The following EPHA6 variants were observed in gnomAD, a reference collection of about 807,000 sequenced individuals.
The protein encoded by EPHA6 is EPH receptor A6.
A neutral mutation model predicts 112.0 loss-of-function variants in EPHA6; 50 were observed. The observed-to-expected ratio is 0.45, with a 90% CI of 0.36 to 0.56. EPHA6 has a LOEUF of 0.56. Ranked by LOEUF, EPHA6 falls within the 20% of genes least tolerant of loss-of-function variation. EPHA6 has a pLI of 0.00. For missense variants in EPHA6, 1,280 were observed against 1,417.4 expected (o/e 0.90, Z 1.56); for synonymous variants, 529 against 490.7 (o/e 1.08, Z -1.03).
intron 16 of EPHA6, among the ~76,000 whole-genome samples, chr3:97,737,887 A>G (rs1255665842): frequency 3.3e-5 from 5 of 152,118 alleles, no homozygotes; most frequent in Non-Finnish European, 5.9e-5. Context: ...AGGAAACTGA[A>G]AAAGAGAAGC....
At chr3:97,229,331 T>C (rs1389059356) in intron 4 of EPHA6, among the ~76,000 whole-genome samples, 1 of 152,196 alleles carries the variant, frequency 6.6e-6, no homozygotes, top group Non-Finnish European at 1.5e-5. Context: ...TGTTATCTTC[T>C]AGAATTTTTA....
At chr3:97,365,071 T>C (rs1258987202) in intron 5 of EPHA6, among the ~76,000 whole-genome samples, 2 of 152,154 alleles carry the variant, frequency 1.3e-5, no homozygotes, top group Admixed American at 1.3e-4. Flanking sequence ...CTACTTGATA[T>C]ACAGAATGCA....
chr3:97,518,450 C>A (rs1020100048), intron 10 of EPHA6, among the ~76,000 whole-genome samples: 1 of 151,688 alleles, frequency 6.6e-6, no homozygotes, highest in African/African-American at 2.4e-5. Flanking sequence ...TTTAGACATA[C>A]TGATTTTTTT....
chr3:97,017,571 G>GA (rs2044306147), intron 3 of EPHA6, among the ~76,000 whole-genome samples: 1 of 152,172 alleles, frequency 6.6e-6, no homozygotes, highest in Admixed American at 6.5e-5. Context: ...ATCTAGGGCT[G>GA]AACTGGACTC....
Position 97,532,360 on chromosome 3 carries a change from G to A in EPHA6, c.2203G>A (p.Glu735Lys), listed in dbSNP as rs1454303482. Residue 735 changes from glutamate to lysine, a missense_variant and splice_region_variant, in exon 11 of 18, where the codon GAA (glutamate) becomes AAA (lysine). Physicochemically the swap from Glu to Lys is moderately conservative, Grantham distance 56. Around this residue, in one of 4 missense-constraint regions of EPHA6, gnomAD observed 878 missense variants for 999.7 expected, o/e 0.88. Coordinates refer to ENST00000389672, the MANE Select transcript of EPHA6 (RefSeq NM_001080448.3). ...IRIERVIGAG[E>K]FGEVCSGRLK... The stretch of plus-strand genomic sequence containing the variant: ...ACTGCTTTTGTTCATATTTTAAGGT[G>A]AATTTGGAGAAGTCTGTAGTGGGCG... The A allele has an allele frequency of 5.0e-6, 8 of 1,594,686 alleles. No individual in the cohort carries two copies. In the East Asian group the frequency reaches 1.3e-4, roughly 27 times the overall value.
At chr3:97,220,682 A>G (rs2078168906) in intron 3 of EPHA6, among the ~76,000 whole-genome samples, 1 of 152,172 alleles carries the variant, frequency 6.6e-6, no homozygotes, top group Admixed American at 6.5e-5. Flanking sequence ...CCATGATTCA[A>G]TTATATCCAC....
At chr3:97,043,796 A>T (rs762008408) in intron 3 of EPHA6, among the ~76,000 whole-genome samples, 1 of 152,194 alleles carries the variant, frequency 6.6e-6, no homozygotes, top group Non-Finnish European at 1.5e-5. Context: ...ATATTGTCAT[A>T]CAAAGAAATA....
chr3:97,133,122 C>T (rs1028005489), intron 3 of EPHA6, among the ~76,000 whole-genome samples: 24 of 151,888 alleles, frequency 1.6e-4, no homozygotes, highest in African/African-American at 5.6e-4. Context: ...GAGAATTTTC[C>T]GATGAGATAG....
chr3:97,425,327 T>C (rs958472635), intron 6 of EPHA6, among the ~76,000 whole-genome samples: 5 of 152,230 alleles, frequency 3.3e-5, no homozygotes, highest in Non-Finnish European at 7.3e-5. Context: ...TGCCTGGACA[T>C]CCAGGTGTTT....
chr3:97,268,856 A>G (rs939921005), intron 5 of EPHA6, among the ~76,000 whole-genome samples: 4 of 152,178 alleles, frequency 2.6e-5, no homozygotes, highest in African/African-American at 9.6e-5. Flanking sequence ...AGTTTATACT[A>G]TTATGAGTGA....
intron 2 of EPHA6, among the ~76,000 whole-genome samples, chr3:96,918,442 C>A (rs759185067): frequency 2.2e-4 from 34 of 151,934 alleles, no homozygotes; most frequent in Non-Finnish European, 4.4e-4. Context: ...AAAGGCATTA[C>A]GTATTGGATA....
At chr3:97,017,943 A>G (rs1453530241) in intron 3 of EPHA6, among the ~76,000 whole-genome samples, 5 of 146,632 alleles carry the variant, frequency 3.4e-5, no homozygotes, top group South Asian at 4.2e-4. Context: ...TTCTGAGGCT[A>G]TTTTCTAGAT....
At chr3:97,190,433 G>A (rs972816356) in intron 3 of EPHA6, among the ~76,000 whole-genome samples, 1 of 151,994 alleles carries the variant, frequency 6.6e-6, no homozygotes, top group African/African-American at 2.4e-5. Context: ...TAATTCTGAG[G>A]TGCATGCCAC....
chr3:97,418,329 G>A (rs914375721), intron 6 of EPHA6, among the ~76,000 whole-genome samples: 23 of 151,936 alleles, frequency 1.5e-4, no homozygotes, highest in Middle Eastern at 3.2e-3. Context: ...ATACTTATAT[G>A]AATAATGGCT....
chr3:97,543,410 T>A (rs1032832393), intron 11 of EPHA6, among the ~76,000 whole-genome samples: 2 of 152,204 alleles, frequency 1.3e-5, no homozygotes, highest in Non-Finnish European at 2.9e-5. Flanking sequence ...GCTGTAGATA[T>A]GCAGCATTAT....
intron 16 of EPHA6, among the ~76,000 whole-genome samples, chr3:97,740,621 G>A (rs188393391): frequency 7.2e-5 from 11 of 152,166 alleles, no homozygotes; most frequent in African/African-American, 2.6e-4. Context: ...AATCATGAAG[G>A]TAGGGAAAAG....
intron 3 of EPHA6, among the ~76,000 whole-genome samples, chr3:97,078,822 G>A (rs2046623160): frequency 6.6e-6 from 1 of 152,124 alleles, no homozygotes; most frequent in South Asian, 2.1e-4. Context: ...GATGAGCAAA[G>A]AAAATTGTTT....
chr3:97,403,592 G>A (rs751614653), intron 5 of EPHA6, among the ~76,000 whole-genome samples: 2 of 152,106 alleles, frequency 1.3e-5, no homozygotes, highest in South Asian at 2.1e-4. Context: ...GATTACAGGC[G>A]CCTGCCACCA....
At chr3:97,148,091 A>G (rs1382026820) in intron 3 of EPHA6, among the ~76,000 whole-genome samples, 1 of 152,126 alleles carries the variant, frequency 6.6e-6, no homozygotes, top group East Asian at 1.9e-4. Context: ...CAAAAATTTT[A>G]TTGTTAACAC....
Sources: gnomAD v4.1 joint callset for allele counts (sites outside exome capture counted in the v4.1 genomes callset) on GRCh38, gnomAD v4.1.1 for gene constraint, gnomAD v4.1.1 regional missense constraint, MANE v1.5 for transcripts, NCBI Gene and HGNC (gene_info 2026-07-23, HGNC 2026-07-21) for gene names.